BTAF1: variants seen among roughly 807,000 people sequenced by gnomAD.
BTAF1 encodes the protein TATA-binding protein-associated factor 172.
BTAF1 carries 38 observed loss-of-function variants against 227.1 expected under a neutral mutation model. That is an observed-to-expected ratio of 0.17 (90% CI 0.13 to 0.22). The LOEUF is 0.22. Among genes scored for constraint, BTAF1 ranks in the 10% least tolerant of loss-of-function variants. The pLI is 1.00. For missense variants in BTAF1, 1,598 were observed against 2,204.0 expected, an observed-to-expected ratio of 0.73 and a Z score of 5.51; for synonymous variants, 742 against 751.9, an observed-to-expected ratio of 0.99 and a Z score of 0.21.
chr10:91,972,968 C>A (rs1847409357), intron 14 of BTAF1, among the ~76,000 whole-genome samples: 1 of 152,148 alleles, frequency 6.6e-6, no homozygotes, highest in Non-Finnish European at 1.5e-5. Context: ...TGAAAAATTT[C>A]TGAGTTTCAA....
chr10:92,026,451 A>G (rs901827875), intron 35 of BTAF1, 141 bp from the exon 36 acceptor site: 6 of 647,494 alleles, frequency 9.3e-6, no homozygotes, highest in Middle Eastern at 4.4e-4. Flanking sequence ...TTGAGAGGAT[A>G]TTTTTCTCAG....
At chr10:92,016,292 T>G (rs770653159) in intron 32 of BTAF1, 48 bp from the exon 33 acceptor site, 1 of 1,555,518 alleles carries the variant, frequency 6.4e-7, no homozygotes, top group South Asian at 1.3e-5. Context: ...TTTTGAACAA[T>G]TGAAAATAAA....
chr10:92,025,480 C>G (rs934766727), intron 35 of BTAF1, among the ~76,000 whole-genome samples: 1 of 151,594 alleles, frequency 6.6e-6, no homozygotes, highest in Admixed American at 6.6e-5. Context: ...CTGCTTAGTC[C>G]CAAAGCTGCT....
chr10:92,008,713 C>A, intron 26 of BTAF1, 116 bp from the exon 27 acceptor site: 1 of 1,015,134 alleles, frequency 9.9e-7, no homozygotes, highest in Non-Finnish European at 1.4e-6. Flanking sequence ...CCATTTATTT[C>A]TCTTTTGCAT....
At chr10:91,946,089 A>G (rs543114188) in intron 4 of BTAF1, among the ~76,000 whole-genome samples, 2 of 152,250 alleles carry the variant, frequency 1.3e-5, no homozygotes, top group Admixed American at 6.5e-5. Context: ...GGTTGTTTCT[A>G]CCTTTTATCT....
chr10:91,971,022 T>G (rs771623629), intron 14 of BTAF1, among the ~76,000 whole-genome samples: 3 of 152,238 alleles, frequency 2.0e-5, no homozygotes. Flanking sequence ...TCTAGTCTGT[T>G]CCCTTTAGAC....
At chr10:91,953,901 TAAAAC>T (rs751321170) in intron 6 of BTAF1, 28 bp downstream of exon 6, 2 of 1,611,412 alleles carry the variant, frequency 1.2e-6, no homozygotes, top group South Asian at 2.2e-5. Flanking sequence ...CCTATTCACT[TAAAAC>T]AAGAGGGCTC....
chr10:91,937,744 T>C (rs943506367), intron 2 of BTAF1, among the ~76,000 whole-genome samples: 13 of 152,250 alleles, frequency 8.5e-5, no homozygotes, highest in African/African-American at 3.1e-4. Flanking sequence ...AATGCTGCTA[T>C]GAAAATTTGT....
chr10:92,018,927 T>C lies in BTAF1; in HGVS notation c.4855T>C (p.Leu1619=). The part of the protein sequence containing the change: ...DIQHAPKLSA[L]KQLLLDCGLG... ...TCAACATGCCCCTAAGCTCTCAGCT[T>C]TGAAACAAGTATGTATGTCTTTTAA... The change falls in exon 34 of 38, where the codon TTG becomes CTG. Residue 1619 remains leucine, a synonymous_variant. Transcript: ENST00000265990. 1 of 1,569,524 alleles carries C rather than the reference T, an allele frequency of 6.4e-7. No individual in the cohort carries two copies. Among genetic ancestry groups the C allele is most frequent in the Non-Finnish European group, 8.6e-7 (1 of 1,161,436 alleles).
At chr10:91,996,826 A>G (rs1349655729) in intron 24 of BTAF1, among the ~76,000 whole-genome samples, 1 of 152,164 alleles carries the variant, frequency 6.6e-6, no homozygotes, top group Non-Finnish European at 1.5e-5. Flanking sequence ...ACATCTTTTT[A>G]ATAGGCAAAA....
intron 1 of BTAF1, among the ~76,000 whole-genome samples, chr10:91,929,703 T>C (rs1449344930): frequency 6.6e-6 from 1 of 152,108 alleles, no homozygotes; most frequent in East Asian, 1.9e-4. Flanking sequence ...GGCCTATTCC[T>C]CCCTGTTAAT....
intron 25 of BTAF1, among the ~76,000 whole-genome samples, chr10:92,004,606 T>C (rs1849756624): frequency 6.6e-6 from 1 of 152,190 alleles, no homozygotes; most frequent in African/African-American, 2.4e-5. Flanking sequence ...TAGATGGGAC[T>C]ACAGGTGTGT....
chr10:91,984,825 C>T (rs1161556563), intron 19 of BTAF1, among the ~76,000 whole-genome samples: 1 of 152,084 alleles, frequency 6.6e-6, no homozygotes, highest in East Asian at 1.9e-4. Context: ...TTATAGTTAA[C>T]ATTTTACCTA....
chr10:92,023,889 C>T (rs1037725623), intron 34 of BTAF1, among the ~76,000 whole-genome samples: 9 of 152,150 alleles, frequency 5.9e-5, no homozygotes, highest in African/African-American at 2.2e-4. Flanking sequence ...CTGCCTTGGC[C>T]TCCCAAAGTG....
At position 91,923,896 on chromosome 10, in the gene BTAF1, G is replaced by GA; in HGVS notation, c.-180dup. 1 of 656,326 alleles carries GA rather than the reference G, an allele frequency of 1.5e-6. No individual in the cohort carries two copies. The highest frequency in any genetic ancestry group is 2.8e-5 in the South Asian group (1 of 36,042). 40.7% of individuals were successfully genotyped at this position (656,326 alleles called of 1,614,324 possible). ...ACCCCTGCTTACCGGCCGCCGCGGGGACGAGCTCGGGTAGGCGGCAGGGCA... is the reference window on the plus strand; with the variant it reads ...ACCCCTGCTTACCGGCCGCCGCGGGGAACGAGCTCGGGTAGGCGGCAGGGCA... On this transcript the variant is annotated 5_prime_UTR_variant, in exon 1 of 38. Transcript: ENST00000265990.
chr10:91,950,655 G>C (rs1411567927), intron 4 of BTAF1, among the ~76,000 whole-genome samples: 1 of 151,876 alleles, frequency 6.6e-6, no homozygotes, highest in Non-Finnish European at 1.5e-5. Context: ...TTATTATTTG[G>C]GATATTAGGG....
rs920369768 is a variant in BTAF1, at chr10:92,029,831, A to G, written c.*898A>G. ...TAAAAGGGAGAGAGAATTTCTTTAT[A>G]TACACAAACATACATGAATATGCAT... On this transcript the variant is annotated 3_prime_UTR_variant, in exon 38 of 38. Transcript: ENST00000265990. 6.6e-6 allele frequency: 1 copy of G among 152,474 alleles called. No homozygotes were observed. The highest frequency in any genetic ancestry group is 2.4e-5 in the African/African-American group (1 of 41,442). The allele number at this position is 152,474 out of a possible 1,614,324, so 9.4% of individuals were successfully genotyped here.
intron 35 of BTAF1, among the ~76,000 whole-genome samples, chr10:92,026,008 C>A (rs1024420752): frequency 6.6e-6 from 1 of 152,058 alleles, no homozygotes; most frequent in Non-Finnish European, 1.5e-5. Context: ...GGTAATAATA[C>A]CCTTATAGAG....
intron 32 of BTAF1, 54 bp downstream of exon 32, chr10:92,014,083 T>C (rs1850542165): frequency 1.3e-6 from 2 of 1,547,910 alleles, no homozygotes; most frequent in Non-Finnish European, 1.7e-6. Context: ...GCAGATTGTT[T>C]TGTATGAGCC....
Sources: allele counts gnomAD v4.1 joint callset (sites outside exome capture counted in the v4.1 genomes callset), GRCh38; gene constraint gnomAD v4.1.1; transcripts MANE v1.5; gene names NCBI Gene and HGNC (gene_info 2026-07-23, HGNC 2026-07-21).